The following SBNO2 variants were observed in gnomAD, a reference collection of about 807,000 sequenced individuals.
SBNO2 encodes the protein protein strawberry notch homolog 2.
In SBNO2, 89 loss-of-function variants were observed where a neutral mutation model predicts 146.3. That is an observed-to-expected ratio of 0.61 (90% CI 0.51 to 0.73). SBNO2 has a LOEUF of 0.73. SBNO2 is among the 30% of genes least tolerant of loss of function. SBNO2 has a pLI of 0.00. For missense variants in SBNO2, 2,092 were observed against 2,003.7 expected (o/e 1.04, Z -0.84); for synonymous variants, 1,147 against 892.6 (o/e 1.29, Z -5.08).
chr19:1,170,703 CA>C (rs1442918623), intron 1 of SBNO2, among the ~76,000 whole-genome samples: 1 of 152,008 alleles, frequency 6.6e-6, no homozygotes, highest in Non-Finnish European at 1.5e-5. Context: ...CATGCACAAG[CA>C]GGGGTGCATG....
At position 1,108,026 on chromosome 19, in the gene SBNO2, C is replaced by G; in HGVS notation, c.*194G>C. 1 of 452,898 alleles carries G rather than the reference C, an allele frequency of 2.2e-6. No homozygotes were observed. The highest frequency in any genetic ancestry group is 3.7e-6 in the Non-Finnish European group (1 of 272,330). The allele number at this position is 452,898 out of a possible 1,614,324, so 28.1% of individuals were successfully genotyped here. On this transcript the variant is annotated 3_prime_UTR_variant, in exon 32 of 32. Transcript: ENST00000361757. ...GCACAGAGAGGGCCCTGCCACGCCC[C>G]GGCCCCCAGCTGTCCTGAGTGGGCC...
intron 1 of SBNO2, among the ~76,000 whole-genome samples, chr19:1,160,588 C>T (rs544627506): frequency 5.9e-5 from 9 of 152,228 alleles, no homozygotes; most frequent in African/African-American, 2.2e-4. Flanking sequence ...TGTGGACCCA[C>T]TGGGGGTCTC....
rs554199073 is a variant in SBNO2, at chr19:1,153,748, GGCTGGTCTTGA to G, written c.93+425_93+435del. Among the ~76,000 whole-genome samples, 5 of 152,290 alleles carry G rather than the reference GGCTGGTCTTGA, an allele frequency of 3.3e-5. No individual in the cohort carries two copies. The South Asian group carries it at 8.3e-4, about 25-fold the overall frequency. ...AAGCGAGGTTTCACTATGTTGGCCA[GGCTGGTCTTGA>G]ACTCGGGACCTCAGGTGATCTGCCC... is the stretch of plus-strand genomic sequence containing the variant. On this transcript the variant is annotated intron_variant, in intron 2 of 31. Coordinates refer to ENST00000361757, the MANE Select transcript of SBNO2 (RefSeq NM_014963.3).
chr19:1,111,534 G>A lies in SBNO2; in HGVS notation c.2781C>T (p.Tyr927=), dbSNP rs781725914. The change falls in exon 24 of 32, where the codon TAC becomes TAT. Residue 927 remains tyrosine, a synonymous_variant. Coordinates refer to ENST00000361757, the MANE Select transcript of SBNO2 (RefSeq NM_014963.3). ...GGAAGAAGGTGGGGACCCCTCCAGGGTATCCCTGGGGCACAGGCACTTTGT... is the reference window on the plus strand; with the variant it reads ...GGAAGAAGGTGGGGACCCCTCCAGGATATCCCTGGGGCACAGGCACTTTGT... ...TENKVPVPQG[Y]PGGVPTFFRD... 13 of 1,591,244 alleles carry A rather than the reference G, an allele frequency of 8.2e-6. No homozygotes were observed. The highest frequency in any genetic ancestry group is 1.7e-4 in the Middle Eastern group (1 of 6,040).
chr19:1,167,299 A>G (rs1319866309), intron 1 of SBNO2, among the ~76,000 whole-genome samples: 1 of 152,258 alleles, frequency 6.6e-6, no homozygotes, highest in Non-Finnish European at 1.5e-5. Context: ...AGCTGCTGAC[A>G]ACGACACCCA....
intron 7 of SBNO2, 132 bp from the exon 8 acceptor site, chr19:1,123,177 G>A (rs55688536): frequency 0.21 from 214,458 of 1,042,942 alleles, 23,318 homozygotes; most frequent in Non-Finnish European, 0.22. Flanking sequence ...GCCAGGTCCC[G>A]TTGGGCGGGT....
chr19:1,141,023 TGGAGAAGACGCACCCC>T (rs543787454), intron 4 of SBNO2, among the ~76,000 whole-genome samples: 15 of 148,946 alleles, frequency 1.0e-4, no homozygotes, highest in South Asian at 2.2e-4. Flanking sequence ...AGACACACCC[TGGAGAAGACGCACCCC>T]GGAGAAGACG....
Position 1,109,271 on chromosome 19 carries a change from C to G in SBNO2, c.3348+21G>C. On this transcript the variant is annotated intron_variant, in intron 29 of 31. Coordinates refer to ENST00000361757, the MANE Select transcript of SBNO2 (RefSeq NM_014963.3). The surrounding 1 kb of genome is among the most constrained non-coding windows in gnomAD (Gnocchi z 4.2). Reference sequence around the variant, plus strand: ...TCAGGGCCGGCAACCCGAGCGAAAGCTGCGCCCGGCGGCCGCCTACCCGGT... The same window carrying G: ...TCAGGGCCGGCAACCCGAGCGAAAGGTGCGCCCGGCGGCCGCCTACCCGGT... 1 of 1,584,282 alleles carries G rather than the reference C, an allele frequency of 6.3e-7. No individual in the cohort carries two copies. Among genetic ancestry groups the G allele is most frequent in the Non-Finnish European group, 8.6e-7 (1 of 1,166,030 alleles).
In SBNO2 at chr19:1,108,361, C is replaced by G; in HGVS notation, c.3960G>C (p.Leu1320=). Residue 1320 remains leucine, a synonymous_variant, in exon 32 of 32, where the codon CTG becomes CTC. Transcript: ENST00000361757. The part of the protein sequence containing the change: ...INFKEVLEDM[L]RSLHAGPPSE... ...AGGGCGGCCCCGCGTGCAGCGAGCG[C>G]AGCATGTCCTCCAGCACCTCCTTGA... 1 of 1,295,414 alleles carries G rather than the reference C, an allele frequency of 7.7e-7. No individual in the cohort carries two copies. Among genetic ancestry groups the G allele is most frequent in the East Asian group, 3.9e-5 (1 of 25,588 alleles). 80.2% of individuals were successfully genotyped at this position (1,295,414 alleles called of 1,614,324 possible). A position where few individuals can be genotyped will look rare whatever the true frequency, so the allele number is the denominator to read the frequency against.
Position 1,108,674 on chromosome 19 carries a change from C to A in SBNO2, c.3647G>T (p.Arg1216Leu), listed in dbSNP as rs1395017443. Residue 1216 changes from arginine to leucine, a missense_variant, in exon 32 of 32, where the codon CGG becomes CTG. By Grantham distance (102) the Arg-to-Leu change is moderately radical. Transcript: ENST00000361757. ...CATCAGCCGCAGCTCCTGCAGCACC[C>A]GGCGCACGCAGCCCTCGGGGATCTT... ...GIKIPEGCVRRVLQELRLMDA... is the reference protein window; with the variant it reads ...GIKIPEGCVRLVLQELRLMDA... 3.9e-6 allele frequency: 6 copies of A among 1,531,300 alleles called. No homozygotes were observed. Among genetic ancestry groups the A allele is most frequent in the Non-Finnish European group, 5.2e-6 (6 of 1,147,122 alleles). 94.9% of individuals were successfully genotyped at this position (1,531,300 alleles called of 1,614,324 possible).
intron 1 of SBNO2, among the ~76,000 whole-genome samples, chr19:1,169,805 G>A (rs1421473128): frequency 6.6e-6 from 1 of 152,184 alleles, no homozygotes; most frequent in Non-Finnish European, 1.5e-5. Flanking sequence ...ACACCAGGAG[G>A]GGCACCTGTC....
At position 1,111,576 on chromosome 19, in the gene SBNO2, G is replaced by A. The variant is rs1030747384; in HGVS notation, c.2739C>T (p.Ile913=). 6.3e-6 allele frequency: 10 copies of A among 1,596,958 alleles called. No individual in the cohort carries two copies. Among genetic ancestry groups the A allele is most frequent in the Non-Finnish European group, 8.5e-6 (10 of 1,172,122 alleles). ...TRALHCVLTT[I]LSQTENKVPV... ...GCACTTTGTTCTCAGTCTGGCTCAG[G>A]ATGGTGGTGAGGACACAGTGCAGGG... The change falls in exon 24 of 32, where the codon ATC becomes ATT. Residue 913 remains isoleucine (I), a synonymous_variant. Transcript: ENST00000361757.
chr19:1,127,011 G>A (rs987811662), intron 5 of SBNO2, among the ~76,000 whole-genome samples: 1 of 152,184 alleles, frequency 6.6e-6, no homozygotes, highest in East Asian at 1.9e-4. Flanking sequence ...CAGCCCCTCA[G>A]CCCCCACGGA....
chr19:1,135,045 CAAA>C (rs201799961), intron 4 of SBNO2, among the ~76,000 whole-genome samples: 1 of 51,236 alleles, frequency 2.0e-5, no homozygotes, highest in African/African-American at 7.9e-5. Flanking sequence ...GACTCTGTCT[CAAA>C]AAAAAAAAAA....
chr19:1,122,612 C>T (rs747109673), intron 9 of SBNO2, 46 bp downstream of exon 9: 68 of 973,110 alleles, frequency 7.0e-5, no homozygotes, highest in South Asian at 2.2e-4. Context: ...CCCCCGCTTC[C>T]GCCCCCCACC....
chr19:1,147,780 C>T (rs764975904), intron 3 of SBNO2, among the ~76,000 whole-genome samples: 1 of 152,248 alleles, frequency 6.6e-6, no homozygotes, highest in South Asian at 2.1e-4. Context: ...ATCCCTCCCC[C>T]ACACACAGGC....
chr19:1,117,667 G>A (rs898695318), intron 14 of SBNO2, among the ~76,000 whole-genome samples, 168 bp from the exon 15 acceptor site: 11 of 152,246 alleles, frequency 7.2e-5, no homozygotes, highest in Non-Finnish European at 1.5e-4. Context: ...GCCTCTACCT[G>A]TACGGCAAAA....
Position 1,136,611 on chromosome 19 carries a change from T to C in SBNO2, c.280-8846A>G, listed in dbSNP as rs1008141579. Among the ~76,000 whole-genome samples the C allele has an allele frequency of 6.6e-6, 1 of 152,166 alleles. No individual in the cohort carries two copies. Among genetic ancestry groups the C allele is most frequent in the South Asian group, 2.1e-4 (1 of 4,834 alleles). On this transcript the variant is annotated intron_variant, in intron 4 of 31. Coordinates refer to ENST00000361757, the MANE Select transcript of SBNO2 (RefSeq NM_014963.3). The surrounding 1 kb of genome is among the most constrained non-coding windows in gnomAD (Gnocchi z 4.2). ...GGCTGGGTGTGAACCAAAGACTTCCTGTAAGAAATCCCCCTCTCCCTCTCC... is the reference window on the plus strand; with the variant it reads ...GGCTGGGTGTGAACCAAAGACTTCCCGTAAGAAATCCCCCTCTCCCTCTCC...
intron 1 of SBNO2, among the ~76,000 whole-genome samples, chr19:1,163,717 G>A (rs1462907408): frequency 6.6e-6 from 1 of 152,228 alleles, no homozygotes; most frequent in Non-Finnish European, 1.5e-5. Context: ...GGGAAGCCTG[G>A]GGGCCCCAGA....
Sources: gnomAD v4.1 joint callset for allele counts (sites outside exome capture counted in the v4.1 genomes callset) on GRCh38, gnomAD v4.1.1 for gene constraint, Gnocchi (gnomAD v3.1) non-coding constraint, MANE v1.5 for transcripts, NCBI Gene and HGNC (gene_info 2026-07-23, HGNC 2026-07-21) for gene names.